ARHGEF3: variants seen among roughly 807,000 people sequenced by gnomAD.
The protein encoded by ARHGEF3 is 59.8 kDA protein.
In ARHGEF3, 28 loss-of-function variants were observed where a neutral mutation model predicts 63.2. The observed-to-expected ratio is 0.44, with a 90% CI of 0.33 to 0.61. The LOEUF (loss-of-function observed/expected upper bound fraction) is 0.61. Among genes scored for constraint, ARHGEF3 ranks in the 20% least tolerant of loss-of-function variants. The pLI is 0.03. For missense variants in ARHGEF3, 533 were observed against 659.3 expected (o/e 0.81, Z 2.10); for synonymous variants, 266 against 254.2 (o/e 1.05, Z -0.44).
At chr3:56,955,181 C>CTTT (rs56851084) in intron 3 of ARHGEF3, among the ~76,000 whole-genome samples, 4 of 143,214 alleles carry the variant, frequency 2.8e-5, no homozygotes, top group African/African-American at 1.0e-4. Flanking sequence ...GATCCTTTTT[C>CTTT]TTTTTTTTTT....
intron 2 of ARHGEF3, among the ~76,000 whole-genome samples, chr3:56,772,279 G>A (rs905922261): frequency 5.9e-5 from 9 of 152,194 alleles, no homozygotes; most frequent in Admixed American, 2.0e-4. Flanking sequence ...GCATCTATGG[G>A]AAAGTAGCAA....
rs2032921504 is a variant in ARHGEF3 at position 56,729,142 on chromosome 3, G to A, written c.*128C>T. On this transcript the variant is annotated 3_prime_UTR_variant, in exon 10 of 10. Coordinates refer to ENST00000296315, the MANE Select transcript of ARHGEF3 (RefSeq NM_019555.3). ...ACTAGGGACAAAGGTACAGATACGAGAGACTGGGCCAACATGTATACTTTC... is the reference window on the plus strand; with the variant it reads ...ACTAGGGACAAAGGTACAGATACGAAAGACTGGGCCAACATGTATACTTTC... 1.3e-6 allele frequency: 1 copy of A among 781,616 alleles called. No individual in the cohort carries two copies. Among genetic ancestry groups the A allele is most frequent in the East Asian group, 2.7e-5 (1 of 37,012 alleles). 48.4% of individuals were successfully genotyped at this position (781,616 alleles called of 1,614,324 possible).
upstream of ARHGEF3, chr3:56,802,092 C>A (rs1445580659): frequency 7.0e-5 from 73 of 1,037,818 alleles, no homozygotes; most frequent in Non-Finnish European, 8.8e-5. Flanking sequence ...CTGCGAGGGG[C>A]GTGGGGCGGT....
At chr3:56,812,008 G>C (rs1192090241) in intron 4 of ARHGEF3, among the ~76,000 whole-genome samples, 1 of 152,158 alleles carries the variant, frequency 6.6e-6, no homozygotes, top group African/African-American at 2.4e-5. Flanking sequence ...AGCTACAAGG[G>C]GACAGGGACC....
At chr3:56,746,328 T>C (rs1323950144) in intron 6 of ARHGEF3, among the ~76,000 whole-genome samples, 3 of 152,348 alleles carry the variant, frequency 2.0e-5, no homozygotes, top group Non-Finnish European at 4.4e-5. Flanking sequence ...CTACTTTGCA[T>C]TGGGCCTACT....
At chr3:57,013,758 G>A (rs1363830917) in intron 2 of ARHGEF3, among the ~76,000 whole-genome samples, 1 of 152,178 alleles carries the variant, frequency 6.6e-6, no homozygotes, top group Non-Finnish European at 1.5e-5. Context: ...TCAGCACTTG[G>A]TGTCTAGCTC....
At chr3:56,891,329 T>TTTA (rs2041113141) in intron 3 of ARHGEF3, among the ~76,000 whole-genome samples, 2 of 150,774 alleles carry the variant, frequency 1.3e-5, no homozygotes, top group Admixed American at 6.7e-5. Context: ...CTACTCCATT[T>TTTA]TTAGTACACT....
At chr3:56,804,787 C>T (rs566623990), upstream of ARHGEF3, among the ~76,000 whole-genome samples, 1 of 152,362 alleles carries the variant, frequency 6.6e-6, no homozygotes, top group South Asian at 2.1e-4. Context: ...GGAGCTCACA[C>T]AAGTGCTCCA....
intron 1 of ARHGEF3, among the ~76,000 whole-genome samples, chr3:57,053,357 AG>A (rs1284133367): frequency 2.6e-5 from 4 of 152,098 alleles, no homozygotes; most frequent in Admixed American, 6.6e-5. Context: ...GCTCCATGGC[AG>A]GAAAAACACC....
chr3:56,932,655 G>A (rs867048768), intron 3 of ARHGEF3, among the ~76,000 whole-genome samples: 1 of 152,094 alleles, frequency 6.6e-6, no homozygotes, highest in Non-Finnish European at 1.5e-5. Context: ...ATTCCTAGTC[G>A]TGGAATTATT....
chr3:56,847,150 G>A (rs1421029844), intron 4 of ARHGEF3, among the ~76,000 whole-genome samples: 4 of 152,110 alleles, frequency 2.6e-5, no homozygotes, highest in African/African-American at 9.7e-5. Flanking sequence ...TACCTCCCAA[G>A]CTCCCTACAT....
chr3:56,797,402 A>T (rs1578542226), intron 1 of ARHGEF3, among the ~76,000 whole-genome samples: 1 of 152,344 alleles, frequency 6.6e-6, no homozygotes, highest in East Asian at 1.9e-4. Flanking sequence ...CAGATCCTAT[A>T]GCAAGTGATG....
In ARHGEF3 at chr3:56,801,930, T is replaced by TA. The variant is rs2037677240; in HGVS notation, c.-133dup. The TA allele has an allele frequency of 6.5e-7, 1 of 1,532,698 alleles. No homozygotes were observed. Among genetic ancestry groups the TA allele is most frequent in the Admixed American group, 2.0e-5 (1 of 50,746 alleles). The allele number at this position is 1,532,698 out of a possible 1,614,324, so 94.9% of individuals were successfully genotyped here. A position where few individuals can be genotyped will look rare whatever the true frequency, so the allele number is the denominator to read the frequency against. ...GACACGGAGACCGACAGCCGGCTTC[T>TA]AGCCGGGCAGGACTCGACTGGGCTC... On this transcript the variant is annotated 5_prime_UTR_variant, in exon 1 of 10. Coordinates refer to ENST00000296315, the MANE Select transcript of ARHGEF3 (RefSeq NM_019555.3).
intron 2 of ARHGEF3, among the ~76,000 whole-genome samples, chr3:56,760,051 GTT>G (rs1413758075): frequency 1.5e-4 from 23 of 152,260 alleles, no homozygotes; most frequent in Non-Finnish European, 1.5e-4. Context: ...CATTAAAATT[GTT>G]TCCAGTGTCT....
In ARHGEF3 at chr3:56,751,081, T is replaced by A; in HGVS notation, c.587A>T (p.His196Leu). ...DVRKPDGSTE[H>L]VGPILVGWLP... Reference sequence around the variant, plus strand: ...CCAGCCCACGAGGATGGGACCAACATGTTCAGTCGAGCCATCAGGCTTCCT... The same window carrying A: ...CCAGCCCACGAGGATGGGACCAACAAGTTCAGTCGAGCCATCAGGCTTCCT... Residue 196 changes from histidine (H) to leucine (L), a missense_variant, in exon 6 of 10, where the codon CAT becomes CTT. Transcript: ENST00000296315. The A allele has an allele frequency of 1.9e-6, 3 of 1,614,142 alleles. No individual in the cohort carries two copies. Among genetic ancestry groups the A allele is most frequent in the Non-Finnish European group, 2.5e-6 (3 of 1,180,002 alleles).
chr3:57,010,626 T>A (rs555545311), intron 2 of ARHGEF3, among the ~76,000 whole-genome samples: 7 of 152,132 alleles, frequency 4.6e-5, no homozygotes, highest in African/African-American at 1.7e-4. Context: ...ATTTTGACTA[T>A]CTATAACCTG....
upstream of ARHGEF3, among the ~76,000 whole-genome samples, chr3:56,806,725 A>C (rs956233761): frequency 6.6e-6 from 1 of 152,214 alleles, no homozygotes; most frequent in Non-Finnish European, 1.5e-5. Flanking sequence ...CATGGCTTGG[A>C]GACCATCTGT....
intron 3 of ARHGEF3, among the ~76,000 whole-genome samples, chr3:56,949,485 A>C (rs2106671351): frequency 6.6e-6 from 1 of 152,088 alleles, no homozygotes; most frequent in East Asian, 1.9e-4. Flanking sequence ...ATACACCAAT[A>C]ATAGACAAAC....
At chr3:57,000,904 T>C (rs1702167686) in intron 2 of ARHGEF3, among the ~76,000 whole-genome samples, 1 of 152,186 alleles carries the variant, frequency 6.6e-6, no homozygotes, top group South Asian at 2.1e-4. Context: ...AATGGAATCA[T>C]ACTATATTAT....
Sources: allele counts gnomAD v4.1 joint callset (sites outside exome capture counted in the v4.1 genomes callset), GRCh38; gene constraint gnomAD v4.1.1; transcripts MANE v1.5; gene names NCBI Gene and HGNC (gene_info 2026-07-23, HGNC 2026-07-21).